Variants in SPTBN5 observed in about 807,000 individuals in gnomAD.
The protein encoded by SPTBN5 is spectrin beta, non-erythrocytic 5, also known as spectrin beta chain, non-erythrocytic 5.
SPTBN5 carries 513 observed loss-of-function variants against 477.6 expected under a neutral mutation model. The observed-to-expected ratio is 1.07, with a 90% CI of 1.00 to 1.16. The LOEUF (loss-of-function observed/expected upper bound fraction) is 1.16. Among genes scored for constraint, SPTBN5 ranks in the 50% most tolerant of loss-of-function variants. The probability of loss-of-function intolerance (pLI) is 0.00; values close to 1 mark genes in which losing one functional copy is unlikely to be tolerated. For missense variants in SPTBN5, 5,062 were observed against 4,731.8 expected, an observed-to-expected ratio of 1.07 and a Z score of -2.05; for synonymous variants, 2,169 against 2,011.7, an observed-to-expected ratio of 1.08 and a Z score of -2.09.
At chr15:41,867,189 G>C in intron 35 of SPTBN5, 63 bp from the exon 36 acceptor site, 1 of 1,462,856 alleles carries the variant, frequency 6.8e-7, no homozygotes, top group Non-Finnish European at 9.0e-7. Context: ...CTGGCCTGCA[G>C]GGCTCACAGT....
chr15:41,892,206 G>T, intron 3 of SPTBN5, among the ~76,000 whole-genome samples: 1 of 152,124 alleles, frequency 6.6e-6, no homozygotes, highest in East Asian at 1.9e-4. Flanking sequence ...ATCCAGCCAG[G>T]CCCAGCTCAG....
At chr15:41,880,976 C>T in intron 13 of SPTBN5, 58 bp downstream of exon 13, 1 of 1,468,790 alleles carries the variant, frequency 6.8e-7, no homozygotes, top group African/African-American at 1.4e-5. Flanking sequence ...GGGATCACTG[C>T]ACAGGAGCTG....
At chr15:41,853,551 G>A (rs533462888) in intron 58 of SPTBN5, 31 bp downstream of exon 58, 4 of 1,553,326 alleles carry the variant, frequency 2.6e-6, no homozygotes, top group Non-Finnish European at 2.6e-6. Context: ...ACAGGGTAGA[G>A]CTGAGCCGGC....
rs1390760329 is a variant in SPTBN5, at chr15:41,890,221, G to A, written c.385-16C>T. On this transcript the variant is annotated splice_polypyrimidine_tract_variant and intron_variant, in intron 3 of 67. Coordinates refer to ENST00000320955, the MANE Select transcript of SPTBN5 (RefSeq NM_016642.4). ...GTACTGGCACCTGTGGGCACAGTTG[G>A]ATGGGCTAAGCCATGAAGCCCATGT... is the stretch of plus-strand genomic sequence containing the variant. 1 of 1,578,794 alleles carries A rather than the reference G, an allele frequency of 6.3e-7. No individual in the cohort carries two copies. The highest frequency in any genetic ancestry group is 8.7e-7 in the Non-Finnish European group (1 of 1,152,698).
intron 6 of SPTBN5, 75 bp from the exon 7 acceptor site, chr15:41,886,441 A>T: frequency 6.8e-7 from 1 of 1,473,948 alleles, no homozygotes; most frequent in East Asian, 2.3e-5. Flanking sequence ...TGCCAGCCAG[A>T]GTTCCCCAGG....
chr15:41,850,977 T>C, intron 65 of SPTBN5, 38 bp from the exon 66 acceptor site: 3 of 1,590,224 alleles, frequency 1.9e-6, no homozygotes, highest in Non-Finnish European at 2.6e-6. Flanking sequence ...CCACTGTCCC[T>C]TTGGGGACCC....
intron 17 of SPTBN5, 49 bp from the exon 18 acceptor site, chr15:41,877,405 C>T (rs1268727064): frequency 6.3e-7 from 1 of 1,574,874 alleles, no homozygotes. Context: ...GCTCCCTCGT[C>T]AGCCTCCTTC....
rs753859792 is a variant in SPTBN5, at chr15:41,890,184, G to T, written c.406C>A (p.Pro136Thr). Reference sequence around the variant, plus strand: ...TGGTCTCCGTCCACGATGTTCTCTGGCCCGATGAGTGGTACTGGCACCTGT... The same window carrying T: ...TGGTCTCCGTCCACGATGTTCTCTGTCCCGATGAGTGGTACTGGCACCTGT... ...RAKVPVPLIG[P>T]ENIVDGDQTL... The change falls in exon 4 of 68, where the codon CCA becomes ACA. Residue 136 changes from proline to threonine, a missense_variant. Transcript: ENST00000320955. 4 of 1,612,428 alleles carry T rather than the reference G, an allele frequency of 2.5e-6. No individual in the cohort carries two copies. The Admixed American group carries it at 6.7e-5, about 27-fold the overall frequency.
At position 41,851,360 on chromosome 15, in the gene SPTBN5, T is replaced by C. The variant is rs1207216597; in HGVS notation, c.10666A>G (p.Ser3556Gly). Residue 3556 changes from serine to glycine, a missense_variant, in exon 64 of 68, where the codon AGC (serine) becomes GGC (glycine). Coordinates refer to ENST00000320955, the MANE Select transcript of SPTBN5 (RefSeq NM_016642.4). ...TTCCCGCGGCAGCTGTCCCAGGAGC[T>C]CGAGCTAGGCTGTGGAGAGGAGGCG... ...LLPGGRQPSSSSWDSCRGNLQ... is the reference protein window; with the variant it reads ...LLPGGRQPSSGSWDSCRGNLQ... 6.4e-7 allele frequency: 1 copy of C among 1,550,728 alleles called. No homozygotes were observed. Among genetic ancestry groups the C allele is most frequent in the Admixed American group, 2.0e-5 (1 of 50,988 alleles).
intron 32 of SPTBN5, among the ~76,000 whole-genome samples, chr15:41,869,194 T>C (rs978079286): frequency 6.6e-6 from 1 of 152,242 alleles, no homozygotes; most frequent in Admixed American, 6.5e-5. Context: ...AAACTCTAAG[T>C]GCATGACAAA....
At chr15:41,891,545 G>A (rs1351225662) in intron 3 of SPTBN5, among the ~76,000 whole-genome samples, 1 of 52,066 alleles carries the variant, frequency 1.9e-5, no homozygotes, top group Admixed American at 2.3e-4. Flanking sequence ...TAAACTCACC[G>A]TGATGGGGGG....
Position 41,848,195 on chromosome 15 carries a change from C to A in SPTBN5, c.*421G>T. The A allele has an allele frequency of 2.0e-6, 1 of 510,946 alleles. No homozygotes were observed. The highest frequency in any genetic ancestry group is 1.9e-5 in the African/African-American group (1 of 52,246). The allele number at this position is 510,946 out of a possible 1,614,324, so 31.7% of individuals were successfully genotyped here. On this transcript the variant is annotated 3_prime_UTR_variant, in exon 68 of 68. Transcript: ENST00000320955. ...TACTGCTGAGAAGGGCCATGTCATT[C>A]TAGGCTCTTGGCTGTACATGGCAAG...
In SPTBN5 at chr15:41,853,618, T is replaced by C. The variant is rs765595863; in HGVS notation, c.9944A>G (p.Gln3315Arg). Residue 3315 changes from glutamine (Q) to arginine (R), a missense_variant, in exon 58 of 68, where the codon CAG becomes CGG. Coordinates refer to ENST00000320955, the MANE Select transcript of SPTBN5 (RefSeq NM_016642.4). ...ERGQWLAQAA[Q>R]GHAFLGRCQE... ...GCAGCGCCCGAGGAAGGCATGGCCCTGTGCAGCCTGCGCCAGCCACTGGCC... is the reference window on the plus strand; with the variant it reads ...GCAGCGCCCGAGGAAGGCATGGCCCCGTGCAGCCTGCGCCAGCCACTGGCC... The C allele has an allele frequency of 3.8e-6, 6 of 1,590,428 alleles. No homozygotes were observed. The Admixed American group carries it at 6.7e-5, about 18-fold the overall frequency.
chr15:41,883,145 T>G lies in SPTBN5; in HGVS notation c.1743A>C (p.Gln581His). The G allele has an allele frequency of 6.2e-7, 1 of 1,612,818 alleles. No individual in the cohort carries two copies. Among genetic ancestry groups the G allele is most frequent in the East Asian group, 2.2e-5 (1 of 44,864 alleles). Residue 581 changes from glutamine (Q) to histidine (H), a missense_variant, in exon 9 of 68, where the codon CAA becomes CAC. Transcript: ENST00000320955. ...TCACATGGGCTCCGTGGGCCGAGAC[T>G]TGAGCCTCCAGCAGGTCATGCCTCT... ...LLQRHDLLEA[Q>H]VSAHGAHVSH...
Position 41,862,843 on chromosome 15 carries a change from G to T in SPTBN5, c.7210C>A (p.Arg2404=), listed in dbSNP as rs1008227812. The stretch of plus-strand genomic sequence containing the variant: ...TCCCGCTCCAGCTCCTCGTGTTTCC[G>T]CAGCAGCCTCTGCACGCTCTCCAGA... ...KDLESVQRLL[R]KHEELEREVH... The change falls in exon 42 of 68, where the codon CGG becomes AGG. Residue 2404 remains arginine, a synonymous_variant. Transcript: ENST00000320955. 5 of 1,590,554 alleles carry T rather than the reference G, an allele frequency of 3.1e-6. No homozygotes were observed. In the African/African-American group the frequency reaches 4.0e-5, roughly 13 times the overall value.
Position 41,886,334 on chromosome 15 carries a change from C to T in SPTBN5, c.921G>A (p.Leu307=), listed in dbSNP as rs373566585. 3.5e-5 allele frequency: 56 copies of T among 1,609,980 alleles called. No homozygotes were observed. The South Asian group carries it at 4.9e-4, about 14-fold the overall frequency. The change falls in exon 7 of 68, where the codon CTG becomes CTA. Residue 307 remains leucine, a synonymous_variant. Transcript: ENST00000320955. Reference sequence around the variant, plus strand: ...CCACCAGCTGCTCGTACTGGGTCTGCAGCAGCTCTGTCTCCTGGAGCTGAA... The same window carrying T: ...CCACCAGCTGCTCGTACTGGGTCTGTAGCAGCTCTGTCTCCTGGAGCTGAA... The part of the protein sequence containing the change: ...ILLQLQETEL[L]QTQYEQLVAD...
At position 41,861,463 on chromosome 15, in the gene SPTBN5, A is replaced by C; in HGVS notation, c.7771T>G (p.Trp2591Gly). 1 of 1,613,648 alleles carries C rather than the reference A, an allele frequency of 6.2e-7. No homozygotes were observed. Among genetic ancestry groups the C allele is most frequent in the Non-Finnish European group, 8.5e-7 (1 of 1,179,894 alleles). Residue 2591 changes from tryptophan (W) to glycine (G), a missense_variant, in exon 46 of 68, where the codon TGG becomes GGG. Transcript: ENST00000320955. Reference sequence around the variant, plus strand: ...AGGGAGTCTTCCTTGCTGCAAAGCCAACGTTCCATCTTCTCCACTGAGCTC... The same window carrying C: ...AGGGAGTCTTCCTTGCTGCAAAGCCCACGTTCCATCTTCTCCACTGAGCTC... Reference protein sequence around the residue: ...FLSSVEKMERWLCSKEDSLAS... With the variant: ...FLSSVEKMERGLCSKEDSLAS...
chr15:41,869,876 C>A lies in SPTBN5; in HGVS notation c.5818G>T (p.Glu1940Ter). Residue 1940 changes from glutamate to a stop codon, truncating the protein, a stop_gained, in exon 32 of 68, where the codon GAG becomes TAG. Coordinates refer to ENST00000320955, the MANE Select transcript of SPTBN5 (RefSeq NM_016642.4). LOFTEE classifies it high-confidence loss of function. ...AAGCGGGCCAGGAGGCGTGCCCGCT[C>A]CAGCTGGGCCCTGCGCTGCTCCATG... is the stretch of plus-strand genomic sequence containing the variant. Reference protein sequence around the residue: ...RRMEQRRAQLERARLLARFRT... With the variant: ...RRMEQRRAQL The A allele has an allele frequency of 6.4e-7, 1 of 1,552,670 alleles. No individual in the cohort carries two copies. The highest frequency in any genetic ancestry group is 2.0e-5 in the Admixed American group (1 of 49,968).
In SPTBN5 at chr15:41,858,758, T is replaced by TG. The variant is rs1567190279; in HGVS notation, c.8080-11dup. 2 of 1,608,206 alleles carry TG rather than the reference T, an allele frequency of 1.2e-6. No individual in the cohort carries two copies. Among genetic ancestry groups the TG allele is most frequent in the Admixed American group, 3.4e-5 (2 of 59,496 alleles). ...TCAGCCACGCAGCCACCTGGGCACA[T>TG]GGGGAGGACAGGCCTGCTGTCCAGG... On this transcript the variant is annotated splice_polypyrimidine_tract_variant and intron_variant, in intron 48 of 67. Coordinates refer to ENST00000320955, the MANE Select transcript of SPTBN5 (RefSeq NM_016642.4).
Sources: gnomAD v4.1 joint callset for allele counts (sites outside exome capture counted in the v4.1 genomes callset) on GRCh38, gnomAD v4.1.1 for gene constraint, MANE v1.5 for transcripts, NCBI Gene and HGNC (gene_info 2026-07-23, HGNC 2026-07-21) for gene names.